UNC5D: variants seen among roughly 807,000 people sequenced by gnomAD.
UNC5D encodes the protein netrin receptor UNC5D.
Under a neutral mutation model 105.4 loss-of-function variants are expected in UNC5D, and 39 were observed. The ratio of observed to expected loss-of-function variants is 0.37; its 90% CI spans 0.29 to 0.48. The LOEUF is 0.48. Ranked by LOEUF, UNC5D falls within the 20% of genes least tolerant of loss-of-function variation. The pLI, the probability that UNC5D is intolerant of heterozygous loss-of-function variation, is 0.98. For synonymous variants in UNC5D, 452 were observed against 450.4 expected (o/e 1.00, Z -0.04); for missense variants, 991 against 1,202.4 (o/e 0.82, Z 2.60).
At chr8:35,375,144 G>A (rs959158973) in intron 1 of UNC5D, among the ~76,000 whole-genome samples, 2 of 152,086 alleles carry the variant, frequency 1.3e-5, no homozygotes, top group Admixed American at 6.6e-5. Flanking sequence ...AATCCAGAGC[G>A]GGGAAAAAAT....
At position 35,310,673 on chromosome 8, in the gene UNC5D, C is replaced by T. The variant is rs182398976; in HGVS notation, c.103+74786C>T. ...AAAAATTTGCAAGTAACCTACAAAG[C>T]TCTGTAAGGCAAAGCACATTCTAGA... On this transcript the variant is annotated intron_variant, in intron 1 of 16. Coordinates refer to ENST00000404895, the MANE Select transcript of UNC5D (RefSeq NM_080872.4). Among the ~76,000 whole-genome samples the T allele has an allele frequency of 8.6e-5, 13 of 152,008 alleles. No individual in the cohort carries two copies. In the East Asian group the frequency reaches 1.7e-3, roughly 20 times the overall value.
chr8:35,633,289 TTAAA>T (rs1822155360), intron 4 of UNC5D, among the ~76,000 whole-genome samples: 3 of 152,214 alleles, frequency 2.0e-5, no homozygotes, highest in Admixed American at 1.3e-4. Context: ...AGGTTACAAT[TTAAA>T]TACTCCCTTG....
At chr8:35,490,557 C>G (rs532857199) in intron 1 of UNC5D, among the ~76,000 whole-genome samples, 2 of 151,846 alleles carry the variant, frequency 1.3e-5, no homozygotes, top group African/African-American at 4.8e-5. Flanking sequence ...GAATTTCGGG[C>G]CTTCATGGAA....
chr8:35,257,249 G>A (rs562168151), intron 1 of UNC5D, among the ~76,000 whole-genome samples: 1 of 152,204 alleles, frequency 6.6e-6, no homozygotes, highest in East Asian at 1.9e-4. Flanking sequence ...GATTACAGGC[G>A]TCAGCCAACG....
chr8:35,563,055 C>T (rs776148472), intron 2 of UNC5D, among the ~76,000 whole-genome samples: 2 of 151,884 alleles, frequency 1.3e-5, no homozygotes, highest in Non-Finnish European at 2.9e-5. Flanking sequence ...ATTGAAGATA[C>T]TATCCTTTCG....
intron 15 of UNC5D, among the ~76,000 whole-genome samples, chr8:35,767,503 T>C (rs1318881514): frequency 6.6e-6 from 1 of 152,206 alleles, no homozygotes; most frequent in Non-Finnish European, 1.5e-5. Flanking sequence ...TCAGTTGCCC[T>C]ATATGTGCTA....
intron 9 of UNC5D, among the ~76,000 whole-genome samples, chr8:35,724,491 A>G (rs1361195566): frequency 6.6e-6 from 1 of 152,112 alleles, no homozygotes; most frequent in Non-Finnish European, 1.5e-5. Flanking sequence ...CAAAGAGAAG[A>G]CTGGGGTGAC....
intron 15 of UNC5D, among the ~76,000 whole-genome samples, chr8:35,767,659 AT>A (rs1242484510): frequency 1.3e-5 from 2 of 152,216 alleles, no homozygotes; most frequent in Non-Finnish European, 2.9e-5. Context: ...GAAGGATCTC[AT>A]TCTATAAGGT....
intron 1 of UNC5D, among the ~76,000 whole-genome samples, chr8:35,354,422 C>T (rs1801437187): frequency 6.6e-6 from 1 of 152,084 alleles, no homozygotes; most frequent in Non-Finnish European, 1.5e-5. Flanking sequence ...AAGATGTTAA[C>T]AGAGAAATGT....
chr8:35,518,462 C>T (rs1343484395), intron 1 of UNC5D, among the ~76,000 whole-genome samples: 1 of 151,998 alleles, frequency 6.6e-6, no homozygotes, highest in Non-Finnish European at 1.5e-5. Context: ...TTTTATGCAA[C>T]ATAAATTGAA....
chr8:35,744,015 A>G (rs1829889727), intron 11 of UNC5D, among the ~76,000 whole-genome samples: 1 of 152,234 alleles, frequency 6.6e-6, no homozygotes, highest in Non-Finnish European at 1.5e-5. Context: ...ACTTCATTGC[A>G]TGCTGTTGTC....
chr8:35,534,306 C>A (rs1029040636), intron 1 of UNC5D, among the ~76,000 whole-genome samples: 3 of 152,104 alleles, frequency 2.0e-5, no homozygotes, highest in African/African-American at 7.2e-5. Flanking sequence ...CTACTGTCAA[C>A]TTTAAACACT....
At chr8:35,773,673 A>T (rs1802104499) in intron 15 of UNC5D, among the ~76,000 whole-genome samples, 1 of 151,992 alleles carries the variant, frequency 6.6e-6, no homozygotes, top group Non-Finnish European at 1.5e-5. Context: ...GAGAGCAAAA[A>T]CAAACAGAAA....
intron 1 of UNC5D, among the ~76,000 whole-genome samples, chr8:35,410,919 A>G (rs1166989714): frequency 6.6e-6 from 1 of 152,094 alleles, no homozygotes; most frequent in African/African-American, 2.4e-5. Context: ...GCACGCTATC[A>G]TGAGAAATGT....
At position 35,300,446 on chromosome 8, in the gene UNC5D, CAAAAAAAAAAAAAAAAAAAAAAAAAA is replaced by C. The variant is rs752599540; in HGVS notation, c.103+64582_103+64607del. ...TGGGCAACAGAGAGAGACTCCCTCT[CAAAAAAAAAAAAAAAAAAAAAAAAAA>C]AAAAAAAAAAAAAAAAAAAAAAGCA... is the stretch of plus-strand genomic sequence containing the variant. On this transcript the variant is annotated intron_variant, in intron 1 of 16. Coordinates refer to ENST00000404895, the MANE Select transcript of UNC5D (RefSeq NM_080872.4). 3.8e-4 allele frequency among the ~76,000 whole-genome samples: 22 copies of C among 58,398 alleles called. 4 individuals carry two copies. Among genetic ancestry groups the C allele is most frequent in the East Asian group, 9.0e-4 (2 of 2,216 alleles). 38.3% of individuals were successfully genotyped at this position (58,398 alleles called of 152,430 possible).
intron 1 of UNC5D, among the ~76,000 whole-genome samples, chr8:35,349,431 T>G (rs1812049362): frequency 6.6e-6 from 1 of 151,308 alleles, no homozygotes; most frequent in Non-Finnish European, 1.5e-5. Context: ...AAAACCATTT[T>G]CATTACTATT....
At chr8:35,371,803 C>T (rs1009654485) in intron 1 of UNC5D, among the ~76,000 whole-genome samples, 6 of 152,132 alleles carry the variant, frequency 3.9e-5, no homozygotes, top group African/African-American at 9.7e-5. Context: ...CTGTGTATTA[C>T]GGTGTTTCCA....
chr8:35,247,657 A>C (rs1405731579), intron 1 of UNC5D, among the ~76,000 whole-genome samples: 1 of 44,034 alleles, frequency 2.3e-5, no homozygotes, highest in Non-Finnish European at 3.6e-5. Flanking sequence ...ATTATATATA[A>C]AATATATATA....
At chr8:35,392,646 T>C (rs1198272048) in intron 1 of UNC5D, among the ~76,000 whole-genome samples, 1 of 152,210 alleles carries the variant, frequency 6.6e-6, no homozygotes, top group Non-Finnish European at 1.5e-5. Context: ...TAAGATACTC[T>C]ACCCATTACA....
Sources: gnomAD v4.1 joint callset for allele counts (sites outside exome capture counted in the v4.1 genomes callset) on GRCh38, gnomAD v4.1.1 for gene constraint, MANE v1.5 for transcripts, NCBI Gene and HGNC (gene_info 2026-07-23, HGNC 2026-07-21) for gene names.